The following FGD4 variants were observed in gnomAD, a reference collection of about 807,000 sequenced individuals.
The protein encoded by FGD4 is FYVE, RhoGEF and PH domain containing 4.
In FGD4, 42 loss-of-function variants were observed where a neutral mutation model predicts 102.0. The ratio of observed to expected loss-of-function variants is 0.41; its 90% CI spans 0.32 to 0.53. FGD4 has a LOEUF of 0.53. Among genes scored for constraint, FGD4 ranks in the 20% least tolerant of loss-of-function variants. The pLI, the probability that FGD4 is intolerant of heterozygous loss-of-function variation, is 0.21. For missense variants in FGD4, 902 were observed against 1,078.2 expected, an observed-to-expected ratio of 0.84 and a Z score of 2.29; for synonymous variants, 380 against 375.7, an observed-to-expected ratio of 1.01 and a Z score of -0.13.
intron 1 of FGD4, among the ~76,000 whole-genome samples, chr12:32,489,089 G>A (rs10844219): frequency 0.33 from 50,031 of 151,932 alleles, 8,315 homozygotes; most frequent in East Asian, 0.45. Context: ...ATTTGCCTTC[G>A]TTTTCTTTTC....
intron 1 of FGD4, among the ~76,000 whole-genome samples, chr12:32,490,822 C>G (rs911052374): frequency 2.1e-4 from 32 of 152,122 alleles, no homozygotes; most frequent in African/African-American, 7.7e-4. Context: ...TATAATCTTC[C>G]TAGCTGCACT....
chr12:32,540,060 G>GGTATTTCT (rs1383677121), intron 1 of FGD4, among the ~76,000 whole-genome samples: 37 of 151,962 alleles, frequency 2.4e-4, no homozygotes, highest in African/African-American at 8.9e-4. Flanking sequence ...AAGGAAAAAA[G>GGTATTTCT]GTATTTCTGG....
At chr12:32,450,280 C>T (rs1217396354) in intron 1 of FGD4, among the ~76,000 whole-genome samples, 1 of 152,094 alleles carries the variant, frequency 6.6e-6, no homozygotes, top group Non-Finnish European at 1.5e-5. Context: ...CCATGTTGCC[C>T]AGGCTGGTCT....
At chr12:32,633,434 C>T (rs1162249823) in intron 14 of FGD4, 115 bp from the exon 15 acceptor site, 4 of 1,166,538 alleles carry the variant, frequency 3.4e-6, no homozygotes, top group Non-Finnish European at 3.7e-6. Context: ...CCTTTTCTAA[C>T]AAAAATCTGC....
At chr12:32,534,572 G>A (rs760818577) in intron 1 of FGD4, 15 of 893,516 alleles carry the variant, frequency 1.7e-5, no homozygotes, top group African/African-American at 5.1e-5. Context: ...ACTGCATGCC[G>A]AGGGATGTAA....
intron 1 of FGD4, among the ~76,000 whole-genome samples, chr12:32,526,543 G>C (rs1372805743): frequency 6.6e-6 from 1 of 152,176 alleles, no homozygotes; most frequent in African/African-American, 2.4e-5. Context: ...TGACGAAACA[G>C]GCCACTCGGT....
chr12:32,448,406 C>T (rs1009647719), intron 1 of FGD4, among the ~76,000 whole-genome samples: 2 of 152,046 alleles, frequency 1.3e-5, no homozygotes, highest in African/African-American at 2.4e-5. Context: ...CCCTGTAATC[C>T]TAGCACTTTG....
chr12:32,545,324 C>T (rs1417083187), intron 1 of FGD4, among the ~76,000 whole-genome samples: 4 of 152,126 alleles, frequency 2.6e-5, no homozygotes, highest in African/African-American at 9.7e-5. Context: ...TCACAGAAAC[C>T]TAGAGGTTTT....
intron 1 of FGD4, among the ~76,000 whole-genome samples, chr12:32,536,924 CTT>C (rs1473748362): frequency 6.6e-6 from 1 of 150,942 alleles, no homozygotes; most frequent in Non-Finnish European, 1.5e-5. Context: ...TTCTCTCTCT[CTT>C]TTCTTTTTTT....
chr12:32,580,382 G>A (rs1222367940), intron 3 of FGD4, among the ~76,000 whole-genome samples: 1 of 152,092 alleles, frequency 6.6e-6, no homozygotes, highest in Non-Finnish European at 1.5e-5. Context: ...TCATTATCAT[G>A]GTTATTCAAA....
chr12:32,591,301 CCT>C (rs1947455514), intron 4 of FGD4, among the ~76,000 whole-genome samples: 1 of 152,130 alleles, frequency 6.6e-6, no homozygotes, highest in Non-Finnish European at 1.5e-5. Flanking sequence ...TTGACTATAA[CCT>C]CTAATAAGTA....
chr12:32,411,955 A>G (rs1168063481), intron 1 of FGD4, among the ~76,000 whole-genome samples: 1 of 152,216 alleles, frequency 6.6e-6, no homozygotes, highest in African/African-American at 2.4e-5. Flanking sequence ...AGACTGGGCG[A>G]CAGAGCGAGA....
intron 1 of FGD4, among the ~76,000 whole-genome samples, chr12:32,526,796 G>A (rs10844230): frequency 0.25 from 37,335 of 151,950 alleles, 5,302 homozygotes; most frequent in Middle Eastern, 0.43. Flanking sequence ...CCCACTGGGA[G>A]GAACGAACAA....
At chr12:32,418,772 A>G (rs1280512855) in intron 1 of FGD4, among the ~76,000 whole-genome samples, 1 of 152,164 alleles carries the variant, frequency 6.6e-6, no homozygotes, top group Admixed American at 6.5e-5. Flanking sequence ...TGGCAAAGCC[A>G]GCCAGGTTTG....
chr12:32,545,535 G>A (rs912637970), intron 1 of FGD4, among the ~76,000 whole-genome samples: 4 of 152,182 alleles, frequency 2.6e-5, no homozygotes, highest in African/African-American at 9.7e-5. Flanking sequence ...ATAGTAAAAA[G>A]CATCATACAC....
chr12:32,620,693 ATT>A lies in FGD4; in HGVS notation c.1922+844_1922+845del, dbSNP rs1208809588. Among the ~76,000 whole-genome samples, 55 of 97,068 alleles carry A rather than the reference ATT, an allele frequency of 5.7e-4. 1 individual carries two copies. Among genetic ancestry groups the A allele is most frequent in the African/African-American group, 1.8e-3 (39 of 21,590 alleles). 63.7% of individuals were successfully genotyped at this position (97,068 alleles called of 152,430 possible). ...AGGCGCCTGCCACCACACCTGGCTA[ATT>A]TTTTTTTTTTTTTTTTTTTTGAGAC... On this transcript the variant is annotated intron_variant, in intron 11 of 16. Coordinates refer to ENST00000534526, the MANE Select transcript of FGD4 (RefSeq NM_001370298.3).
chr12:32,505,809 G>C (rs1938666488), intron 1 of FGD4, among the ~76,000 whole-genome samples: 1 of 152,036 alleles, frequency 6.6e-6, no homozygotes, highest in South Asian at 2.1e-4. Flanking sequence ...TTCCTTGTCT[G>C]CCTAAATCCT....
chr12:32,406,036 T>G (rs1940917939), intron 1 of FGD4, among the ~76,000 whole-genome samples: 1 of 151,978 alleles, frequency 6.6e-6, no homozygotes, highest in African/African-American at 2.4e-5. Flanking sequence ...CTCCGCCTCC[T>G]GGGTTCAAGT....
At chr12:32,561,991 G>A (rs1944634583) in intron 1 of FGD4, among the ~76,000 whole-genome samples, 1 of 152,134 alleles carries the variant, frequency 6.6e-6, no homozygotes, top group Non-Finnish European at 1.5e-5. Flanking sequence ...GCTAGTGGGC[G>A]AGAGGGTGTG....
Sources: gnomAD v4.1 joint callset for allele counts (sites outside exome capture counted in the v4.1 genomes callset) on GRCh38, gnomAD v4.1.1 for gene constraint, MANE v1.5 for transcripts, NCBI Gene and HGNC (gene_info 2026-07-23, HGNC 2026-07-21) for gene names.